CNTNAP2: variants seen among roughly 807,000 people sequenced by gnomAD.
CNTNAP2 encodes contactin associated protein 2, also known as contactin-associated protein-like 2.
Under a neutral mutation model 155.2 loss-of-function variants are expected in CNTNAP2, and 98 were observed. The ratio of observed to expected loss-of-function variants is 0.63; its 90% CI spans 0.54 to 0.75. CNTNAP2 has a LOEUF of 0.75. CNTNAP2 is among the 30% of genes least tolerant of loss of function. The pLI, the probability that CNTNAP2 is intolerant of heterozygous loss-of-function variation, is 0.00. For synonymous variants in CNTNAP2, 651 were observed against 631.2 expected, an observed-to-expected ratio of 1.03 and a Z score of -0.47; for missense variants, 1,727 against 1,688.1, an observed-to-expected ratio of 1.02 and a Z score of -0.40.
chr7:148,323,399 G>A (rs972638848), intron 21 of CNTNAP2, among the ~76,000 whole-genome samples: 3 of 123,304 alleles, frequency 2.4e-5, no homozygotes, highest in Non-Finnish European at 3.3e-5. Context: ...TTTAACAAAC[G>A]TATTTTGTGC....
intron 3 of CNTNAP2, among the ~76,000 whole-genome samples, chr7:146,942,124 A>G (rs527568750): frequency 2.0e-5 from 3 of 152,170 alleles, no homozygotes; most frequent in Admixed American, 6.5e-5. Context: ...TTTAACTTCT[A>G]TAACTCATAT....
chr7:146,133,772 T>C (rs1287265325), intron 1 of CNTNAP2, among the ~76,000 whole-genome samples: 1 of 152,240 alleles, frequency 6.6e-6, no homozygotes, highest in Non-Finnish European at 1.5e-5. Flanking sequence ...CATTGATCTA[T>C]ATCTCTGTTT....
intron 10 of CNTNAP2, among the ~76,000 whole-genome samples, chr7:147,457,884 A>T (rs1797949338): frequency 1.3e-5 from 2 of 152,122 alleles, no homozygotes; most frequent in Admixed American, 1.3e-4. Flanking sequence ...GAAGTTGACC[A>T]GTTTTTTCAA....
intron 8 of CNTNAP2, among the ~76,000 whole-genome samples, chr7:147,171,412 G>A (rs1802224142): frequency 6.6e-6 from 1 of 152,124 alleles, no homozygotes; most frequent in Non-Finnish European, 1.5e-5. Flanking sequence ...AAAATGTTAT[G>A]GAAACATGAG....
chr7:147,563,566 T>C (rs1800108116), intron 12 of CNTNAP2, among the ~76,000 whole-genome samples: 2 of 151,420 alleles, frequency 1.3e-5, no homozygotes, highest in Admixed American at 1.3e-4. Flanking sequence ...GAGGAGGAGG[T>C]TGTAGTGAGC....
chr7:146,651,741 A>G (rs1248957031), intron 1 of CNTNAP2, among the ~76,000 whole-genome samples: 2 of 152,192 alleles, frequency 1.3e-5, no homozygotes, highest in East Asian at 3.9e-4. Context: ...ACAAAAACCA[A>G]TGAACTAATT....
chr7:147,161,008 A>G (rs1802014111), intron 8 of CNTNAP2, among the ~76,000 whole-genome samples: 2 of 152,174 alleles, frequency 1.3e-5, no homozygotes, highest in African/African-American at 4.8e-5. Flanking sequence ...CTGCGACATT[A>G]GACATGGCCA....
intron 1 of CNTNAP2, among the ~76,000 whole-genome samples, chr7:146,732,668 A>G (rs1801546172): frequency 6.6e-6 from 1 of 152,110 alleles, no homozygotes; most frequent in African/African-American, 2.4e-5. Flanking sequence ...GTTGTCCCTC[A>G]TTATCCGTGG....
chr7:148,008,365 C>G (rs531355422), intron 15 of CNTNAP2, among the ~76,000 whole-genome samples: 3 of 152,178 alleles, frequency 2.0e-5, no homozygotes, highest in South Asian at 4.1e-4. Flanking sequence ...GAGCAAGACT[C>G]CATCTCAAAC....
intron 8 of CNTNAP2, among the ~76,000 whole-genome samples, chr7:147,291,119 G>A (rs1179313784): frequency 6.6e-6 from 1 of 151,930 alleles, no homozygotes; most frequent in Non-Finnish European, 1.5e-5. Context: ...GACAGCTGCT[G>A]TTCTGATTTC....
In CNTNAP2 at chr7:147,056,746, G is replaced by A. The variant is rs140481439; in HGVS notation, c.550+12692G>A. Among the ~76,000 whole-genome samples the A allele has an allele frequency of 3.3e-5, 5 of 152,166 alleles. No homozygotes were observed. The East Asian group carries it at 7.7e-4, about 24-fold the overall frequency. On this transcript the variant is annotated intron_variant, in intron 4 of 23. Transcript: ENST00000361727. The stretch of plus-strand genomic sequence containing the variant: ...GGCAAATGGTTTCAATTCAATCTCT[G>A]GATGAGCTTTGTTTGTTTGTTTGTT...
intron 21 of CNTNAP2, among the ~76,000 whole-genome samples, chr7:148,293,984 G>A (rs1344770611): frequency 7.1e-6 from 1 of 140,780 alleles, no homozygotes; most frequent in East Asian, 2.1e-4. Flanking sequence ...GCAATAAGCC[G>A]AGATTGCATT....
At chr7:147,387,491 T>C (rs1214225502) in intron 9 of CNTNAP2, among the ~76,000 whole-genome samples, 3 of 152,176 alleles carry the variant, frequency 2.0e-5, no homozygotes, top group African/African-American at 7.2e-5. Flanking sequence ...CTGTTACTCA[T>C]GGTGATAACA....
intron 1 of CNTNAP2, among the ~76,000 whole-genome samples, chr7:146,207,640 T>G (rs1584802579): frequency 6.8e-6 from 1 of 146,038 alleles, no homozygotes; most frequent in South Asian, 2.2e-4. Context: ...GGACTGTGTT[T>G]TTTTTTTTTT....
intron 13 of CNTNAP2, among the ~76,000 whole-genome samples, chr7:147,757,248 T>A (rs78671228): frequency 0.046 from 7,001 of 152,280 alleles, 505 homozygotes; most frequent in African/African-American, 0.16. Flanking sequence ...TCCTAACTCT[T>A]TGCTTGCCTG....
chr7:146,912,731 C>T (rs1166280022), intron 3 of CNTNAP2, among the ~76,000 whole-genome samples: 1 of 152,092 alleles, frequency 6.6e-6, no homozygotes, highest in Non-Finnish European at 1.5e-5. Flanking sequence ...TTTTTCTAGA[C>T]TGTGAAAAAC....
intron 2 of CNTNAP2, among the ~76,000 whole-genome samples, chr7:146,821,983 A>G (rs1479391843): frequency 6.6e-6 from 1 of 151,972 alleles, no homozygotes; most frequent in Non-Finnish European, 1.5e-5. Flanking sequence ...TATATACCCA[A>G]AGGATTATAA....
At chr7:147,054,427 A>T (rs1230625182) in intron 4 of CNTNAP2, among the ~76,000 whole-genome samples, 1 of 152,154 alleles carries the variant, frequency 6.6e-6, no homozygotes, top group Non-Finnish European at 1.5e-5. Flanking sequence ...TTACCTCCTG[A>T]GATACGTTAA....
At chr7:146,601,728 T>G (rs1460312747) in intron 1 of CNTNAP2, among the ~76,000 whole-genome samples, 1 of 152,016 alleles carries the variant, frequency 6.6e-6, no homozygotes, top group Non-Finnish European at 1.5e-5. Context: ...TCTCAATAAA[T>G]AGAACAGTAT....
Sources: gnomAD v4.1 joint callset for allele counts (sites outside exome capture counted in the v4.1 genomes callset) on GRCh38, gnomAD v4.1.1 for gene constraint, MANE v1.5 for transcripts, NCBI Gene and HGNC (gene_info 2026-07-23, HGNC 2026-07-21) for gene names.